Variants in NWD2 observed in about 807,000 individuals in gnomAD.
NWD2 encodes the protein NACHT and WD repeat domain containing 2, also known as NACHT and WD repeat domain-containing protein 2.
A neutral mutation model predicts 132.7 loss-of-function variants in NWD2; 37 were observed. That is an observed-to-expected ratio of 0.28 (90% CI 0.21 to 0.37). The LOEUF is 0.37. Ranked by LOEUF, NWD2 falls within the 10% of genes least tolerant of loss-of-function variation. The pLI, the probability that NWD2 is intolerant of heterozygous loss-of-function variation, is 1.00. For missense variants in NWD2, 1,592 were observed against 2,122.4 expected, an observed-to-expected ratio of 0.75 and a Z score of 4.91; for synonymous variants, 705 against 803.0, an observed-to-expected ratio of 0.88 and a Z score of 2.06.
chr4:37,417,112 AAAAT>A, intron 3 of NWD2, among the ~76,000 whole-genome samples: 1 of 152,344 alleles, frequency 6.6e-6, no homozygotes, highest in African/African-American at 2.4e-5. Flanking sequence ...ATCGAATTAA[AAAAT>A]AAATAAAATT....
rs979231609 is a variant in NWD2, at chr4:37,426,576, T to C, written c.358-3996T>C. 2.0e-5 allele frequency among the ~76,000 whole-genome samples: 3 copies of C among 152,230 alleles called. No homozygotes were observed. In the East Asian group the frequency reaches 5.8e-4, roughly 29 times the overall value. On this transcript the variant is annotated intron_variant, in intron 3 of 6. Coordinates refer to ENST00000309447, the MANE Select transcript of NWD2 (RefSeq NM_001144990.2). Reference sequence around the variant, plus strand: ...TTATTTTTAAATAGCTCTTGATTTTTGAAATGATCCTCTGTGGTCCAGGCT... The same window carrying C: ...TTATTTTTAAATAGCTCTTGATTTTCGAAATGATCCTCTGTGGTCCAGGCT...
At chr4:37,281,465 C>A (rs1000515896) in intron 1 of NWD2, among the ~76,000 whole-genome samples, 1 of 152,014 alleles carries the variant, frequency 6.6e-6, no homozygotes, top group Non-Finnish European at 1.5e-5. Context: ...GAAAGAGATC[C>A]TTAAGCCATG....
chr4:37,325,474 G>A (rs1433537530), intron 1 of NWD2, among the ~76,000 whole-genome samples: 1 of 152,128 alleles, frequency 6.6e-6, no homozygotes, highest in East Asian at 1.9e-4. Flanking sequence ...ATCTGAATAG[G>A]TAGCAATGGT....
chr4:37,391,963 G>GGAGGCGGAGGGTCGATTACTT (rs1439169514), intron 3 of NWD2, among the ~76,000 whole-genome samples: 4 of 152,300 alleles, frequency 2.6e-5, no homozygotes, highest in African/African-American at 9.6e-5. Flanking sequence ...CAGCACTTTG[G>GGAGGCGGAGGGTCGATTACTT]GAGGCGGAGG....
At chr4:37,422,325 C>T (rs970130873) in intron 3 of NWD2, among the ~76,000 whole-genome samples, 9 of 152,220 alleles carry the variant, frequency 5.9e-5, no homozygotes, top group African/African-American at 1.7e-4. Flanking sequence ...CTCTGCACAT[C>T]TGTTGCCGTG....
At chr4:37,365,676 T>A (rs576389072) in intron 3 of NWD2, among the ~76,000 whole-genome samples, 10 of 152,344 alleles carry the variant, frequency 6.6e-5, no homozygotes, top group African/African-American at 2.4e-4. Flanking sequence ...ACATGGAAAA[T>A]TAGCTTTCTT....
Position 37,443,539 on chromosome 4 carries a change from G to C in NWD2, c.1551G>C (p.Glu517Asp). ...TAGTCATAATATTCGATGCACTAGAGCAGCTCTCAGAGAATGATGATGCCA... is the reference window on the plus strand; with the variant it reads ...TAGTCATAATATTCGATGCACTAGACCAGCTCTCAGAGAATGATGATGCCA... Reference protein sequence around the residue: ...RPLVIIFDALEQLSENDDARK... With the variant: ...RPLVIIFDALDQLSENDDARK... Residue 517 changes from glutamate (E) to aspartate (D), a missense_variant, in exon 7 of 7, where the codon GAG (glutamate) becomes GAC (aspartate). Glu to Asp is a conservative substitution (Grantham distance 45, BLOSUM62 2). Around this residue, in one of 7 missense-constraint regions of NWD2, gnomAD observed 1,071 missense variants for 1,398.0 expected, o/e 0.77. Coordinates refer to ENST00000309447, the MANE Select transcript of NWD2 (RefSeq NM_001144990.2). This position sits in a 1 kb window ranked among gnomAD's most constrained non-coding sequence, Gnocchi z 4.1. The C allele has an allele frequency of 6.4e-7, 1 of 1,551,856 alleles. No homozygotes were observed. The highest frequency in any genetic ancestry group is 8.7e-7 in the Non-Finnish European group (1 of 1,147,030).
At position 37,445,828 on chromosome 4, in the gene NWD2, A is replaced by G. The variant is rs371826377; in HGVS notation, c.3840A>G (p.Leu1280=). 13 of 1,551,966 alleles carry G rather than the reference A, an allele frequency of 8.4e-6. No individual in the cohort carries two copies. In the African/African-American group the frequency reaches 1.1e-4, roughly 13 times the overall value. Residue 1280 remains leucine (L), a synonymous_variant, in exon 7 of 7, where the codon TTA becomes TTG. Transcript: ENST00000309447. The surrounding 1 kb of genome is among the most constrained non-coding windows in gnomAD (Gnocchi z 4.7). ...AAATCTCAGGTTCCATTGTTAAGTT[A>G]GTGAAATCCAGTCACCACAATATGC... ...LQEISGSIVK[L]VKSSHHNMLL... is the part of the protein sequence containing the mutation.
rs1352166151 is a variant in NWD2 at position 37,444,905 on chromosome 4, A to G, written c.2917A>G (p.Ile973Val). The G allele has an allele frequency of 1.0e-5, 16 of 1,552,146 alleles. No individual in the cohort carries two copies. In the Admixed American group the frequency reaches 2.9e-4, roughly 29 times the overall value. The change falls in exon 7 of 7, where the codon ATC becomes GTC. Residue 973 changes from isoleucine (I) to valine (V), a missense_variant. By Grantham distance (29) the Ile-to-Val change is conservative. Transcript: ENST00000309447. This position sits in a 1 kb window ranked among gnomAD's most constrained non-coding sequence, Gnocchi z 4.8. Reference protein sequence around the residue: ...LSSSHLHVTEILPTCNPSTVL... With the variant: ...LSSSHLHVTEVLPTCNPSTVL... ...ATCCAGTCACCTGCATGTCACAGAG[A>G]TCCTGCCTACCTGTAACCCCAGCAC...
intron 1 of NWD2, among the ~76,000 whole-genome samples, chr4:37,249,956 C>T (rs1176230263): frequency 6.6e-6 from 1 of 152,210 alleles, no homozygotes; most frequent in Admixed American, 6.5e-5. Flanking sequence ...TCATTTGCTA[C>T]AACTAGTGCT....
chr4:37,395,663 T>G (rs1212335521), intron 3 of NWD2, among the ~76,000 whole-genome samples: 1 of 148,466 alleles, frequency 6.7e-6, no homozygotes, highest in Non-Finnish European at 1.5e-5. Context: ...GAAGGGGCCT[T>G]GTCAATTCTC....
chr4:37,396,513 C>A (rs1017230470), intron 3 of NWD2, among the ~76,000 whole-genome samples: 3 of 152,224 alleles, frequency 2.0e-5, no homozygotes, highest in African/African-American at 7.2e-5. Flanking sequence ...GAAGCAGGAA[C>A]CAGTCTCCAT....
chr4:37,399,450 G>T (rs2109314857), intron 3 of NWD2, among the ~76,000 whole-genome samples: 2 of 152,192 alleles, frequency 1.3e-5, no homozygotes, highest in African/African-American at 2.4e-5. Flanking sequence ...TATTTTATTA[G>T]CTACATATCT....
At chr4:37,250,671 A>G (rs1717339834) in intron 1 of NWD2, among the ~76,000 whole-genome samples, 1 of 152,328 alleles carries the variant, frequency 6.6e-6, no homozygotes, top group South Asian at 2.1e-4. Flanking sequence ...AAGCAAATAT[A>G]AATATATCCT....
At chr4:37,294,085 G>C (rs1229238537) in intron 1 of NWD2, among the ~76,000 whole-genome samples, 1 of 152,104 alleles carries the variant, frequency 6.6e-6, no homozygotes, top group Non-Finnish European at 1.5e-5. Flanking sequence ...TGGAAAGGAA[G>C]ACTTTCTTTG....
intron 1 of NWD2, among the ~76,000 whole-genome samples, chr4:37,321,314 A>G (rs955238840): frequency 2.6e-5 from 4 of 152,202 alleles, no homozygotes; most frequent in Non-Finnish European, 5.9e-5. Flanking sequence ...TGAAATCAAG[A>G]TATTATAAGG....
rs550503699 is a variant in NWD2 at position 37,443,147 on chromosome 4, T to G, written c.1297-138T>G. 3 of 696,186 alleles carry G rather than the reference T, an allele frequency of 4.3e-6. No homozygotes were observed. Among genetic ancestry groups the G allele is most frequent in the African/African-American group, 1.8e-5 (1 of 55,926 alleles). 43.1% of individuals were successfully genotyped at this position (696,186 alleles called of 1,614,324 possible). On this transcript the variant is annotated intron_variant, in intron 6 of 6. Transcript: ENST00000309447. The surrounding 1 kb of genome is among the most constrained non-coding windows in gnomAD (Gnocchi z 4.1). ...GCAGTTCTTTGGCCTTCTCAGAGGGTTTTTCCAATTTTTGGTCCTAAGCTA... is the reference window on the plus strand; with the variant it reads ...GCAGTTCTTTGGCCTTCTCAGAGGGGTTTTCCAATTTTTGGTCCTAAGCTA...
At chr4:37,362,149 C>G (rs1240399175) in intron 3 of NWD2, among the ~76,000 whole-genome samples, 1 of 152,150 alleles carries the variant, frequency 6.6e-6, no homozygotes, top group East Asian at 1.9e-4. Context: ...CTACAAAACA[C>G]TGCCAAAAGA....
intron 1 of NWD2, among the ~76,000 whole-genome samples, chr4:37,252,488 C>G (rs1388155421): frequency 6.6e-6 from 1 of 152,172 alleles, no homozygotes; most frequent in Non-Finnish European, 1.5e-5. Context: ...TGCTATGTAT[C>G]TACTCATCCC....
Sources: gnomAD v4.1 joint callset for allele counts (sites outside exome capture counted in the v4.1 genomes callset) on GRCh38, gnomAD v4.1.1 for gene constraint, gnomAD v4.1.1 regional missense constraint, Gnocchi (gnomAD v3.1) non-coding constraint, MANE v1.5 for transcripts, NCBI Gene and HGNC (gene_info 2026-07-23, HGNC 2026-07-21) for gene names.